The following MUL1 variants were observed in gnomAD, a reference collection of about 807,000 sequenced individuals.
The protein encoded by MUL1 is mitochondrial ubiquitin ligase activator of NFKB 1.
Under a neutral mutation model 34.1 loss-of-function variants are expected in MUL1, and 30 were observed. The observed-to-expected ratio is 0.88, with a 90% CI of 0.66 to 1.19. The LOEUF (loss-of-function observed/expected upper bound fraction) is 1.19, where lower values mean the gene tolerates loss of function less well. Ranked by LOEUF, MUL1 falls within the 50% of genes most tolerant of loss-of-function variation. The pLI is 0.00. For missense variants in MUL1, 419 were observed against 450.5 expected (o/e 0.93, Z 0.63); for synonymous variants, 191 against 187.8 (o/e 1.02, Z -0.14).
At position 20,508,047 on chromosome 1, in the gene MUL1, C is replaced by A; in HGVS notation, c.-23G>T. 6.4e-7 allele frequency: 1 copy of A among 1,573,762 alleles called. No homozygotes were observed. Among genetic ancestry groups the A allele is most frequent in the East Asian group, 2.3e-5 (1 of 43,598 alleles). ...CATGACGGCGGCGAGCCCCGGTGGC[C>A]GACTGTGGCGCCAAGGATAGGCCTG... is the stretch of plus-strand genomic sequence containing the variant. On this transcript the variant is annotated 5_prime_UTR_variant, in exon 1 of 4. Coordinates refer to ENST00000264198, the MANE Select transcript of MUL1 (RefSeq NM_024544.3).
chr1:20,502,268 G>T (rs2051669898), intron 2 of MUL1, 79 bp from the exon 3 acceptor site: 1 of 1,582,230 alleles, frequency 6.3e-7, no homozygotes, highest in Non-Finnish European at 8.6e-7. Context: ...GTGTTTTCTG[G>T]TCTGGCACAG....
rs1437200712 is a variant in MUL1 at position 20,502,198 on chromosome 1, A to G, written c.209-9T>C. Reference sequence around the variant, plus strand: ...AACAGACCGCACAGCTCCTAAGTGGACACAAATTCTATTATTTCTGAAGAA... The same window carrying G: ...AACAGACCGCACAGCTCCTAAGTGGGCACAAATTCTATTATTTCTGAAGAA... On this transcript the variant is annotated splice_polypyrimidine_tract_variant and intron_variant, in intron 2 of 3. Transcript: ENST00000264198. 5 of 1,613,398 alleles carry G rather than the reference A, an allele frequency of 3.1e-6. No homozygotes were observed. In the East Asian group the frequency reaches 8.9e-5, roughly 29 times the overall value.
intron 1 of MUL1, 120 bp downstream of exon 1, chr1:20,507,785 C>A: frequency 7.1e-7 from 1 of 1,410,212 alleles, no homozygotes; most frequent in Non-Finnish European, 9.5e-7. Context: ...TGACACCCTT[C>A]AGAGGCTGTT....
chr1:20,507,555 C>T (rs1216042173), intron 1 of MUL1, among the ~76,000 whole-genome samples: 4 of 152,248 alleles, frequency 2.6e-5, no homozygotes, highest in African/African-American at 9.6e-5. Context: ...TACATGTTTG[C>T]TGTCTAGTCG....
rs2051648079 is a variant in MUL1, at chr1:20,500,755, C to A, written c.994G>T (p.Glu332Ter). The A allele has an allele frequency of 6.2e-7, 1 of 1,612,568 alleles. No homozygotes were observed. The change falls in exon 4 of 4, where the codon GAG becomes TAG. Residue 332 changes from glutamate (E) to a stop codon, truncating the protein, a stop_gained. Transcript: ENST00000264198. LOFTEE classifies it high-confidence loss of function. ...CTGCAGATAGGGCACTTCTTGGGCTCTGGCAAGGCGCGGTAGCACTCGGTG... is the reference window on the plus strand; with the variant it reads ...CTGCAGATAGGGCACTTCTTGGGCTATGGCAAGGCGCGGTAGCACTCGGTG... ...SCTECYRALP[E>*]PKKCPICRQA...
In MUL1 at chr1:20,501,132, T is replaced by C. The variant is rs1213925227; in HGVS notation, c.617A>G (p.Asn206Ser). Residue 206 changes from asparagine (N) to serine (S), a missense_variant, in exon 4 of 4, where the codon AAC (asparagine) becomes AGC (serine). Transcript: ENST00000264198. The surrounding 1 kb of genome is among the most constrained non-coding windows in gnomAD (Gnocchi z 4.2). The part of the protein sequence containing the change: ...TGVGELVLDN[N>S]SVRLQPPKQG... ...TTTGGGCGGCTGCAGGCGGACAGAG[T>C]TGTTGTCCAGGACCAGTTCGCCAAC... 6 of 1,613,804 alleles carry C rather than the reference T, an allele frequency of 3.7e-6. No individual in the cohort carries two copies. The highest frequency in any genetic ancestry group is 1.3e-5 in the African/African-American group (1 of 74,862).
At chr1:20,504,639 AT>A (rs1266663582) in intron 1 of MUL1, among the ~76,000 whole-genome samples, 1 of 152,168 alleles carries the variant, frequency 6.6e-6, no homozygotes, top group Non-Finnish European at 1.5e-5. Flanking sequence ...CAATTTACTC[AT>A]TATCTGTCTC....
Position 20,501,529 on chromosome 1 carries a change from G to A in MUL1, c.330-110C>T. 1 of 1,264,540 alleles carries A rather than the reference G, an allele frequency of 7.9e-7. No homozygotes were observed. Among genetic ancestry groups the A allele is most frequent in the Non-Finnish European group, 1.1e-6 (1 of 922,190 alleles). The allele number at this position is 1,264,540 out of a possible 1,614,324, so 78.3% of individuals were successfully genotyped here. On this transcript the variant is annotated intron_variant, in intron 3 of 3. Coordinates refer to ENST00000264198, the MANE Select transcript of MUL1 (RefSeq NM_024544.3). This position sits in a 1 kb window ranked among gnomAD's most constrained non-coding sequence, Gnocchi z 4.2. ...AGCATATGGTCTGAAGTAACTGGAA[G>A]AAGACAGTAAGATCACTATCTCCAG...
intron 1 of MUL1, 84 bp from the exon 2 acceptor site, chr1:20,503,393 A>ATCTTT: frequency 1.3e-6 from 1 of 797,034 alleles, no homozygotes; most frequent in Non-Finnish European, 2.0e-6. Context: ...AAAGAAAAAG[A>ATCTTT]TTCTATTTTT....
rs1250442932 is a variant in MUL1 at position 20,499,895 on chromosome 1, C to A, written c.*795G>T. On this transcript the variant is annotated 3_prime_UTR_variant, in exon 4 of 4. Transcript: ENST00000264198. Reference sequence around the variant, plus strand: ...CACTGCGTCCTTCAGGAGGCGAGGCCTCTGCGCCTCATTCTCCAGGAGGGA... The same window carrying A: ...CACTGCGTCCTTCAGGAGGCGAGGCATCTGCGCCTCATTCTCCAGGAGGGA... 5.3e-5 allele frequency: 8 copies of A among 152,276 alleles called. No homozygotes were observed. Among genetic ancestry groups the A allele is most frequent in the Non-Finnish European group, 1.2e-4 (8 of 68,094 alleles). The allele number at this position is 152,276 out of a possible 1,614,324, so 9.4% of individuals were successfully genotyped here.
chr1:20,506,792 G>C (rs2051718536), intron 1 of MUL1, among the ~76,000 whole-genome samples: 1 of 151,490 alleles, frequency 6.6e-6, no homozygotes, highest in Non-Finnish European at 1.5e-5. Flanking sequence ...AGAGGTTGCA[G>C]TGAGCCAAGA....
intron 1 of MUL1, among the ~76,000 whole-genome samples, chr1:20,506,757 G>C (rs1276097000): frequency 3.9e-5 from 6 of 152,000 alleles, no homozygotes; most frequent in African/African-American, 1.5e-4. Context: ...GGCTGAGGCA[G>C]GAAAATCACT....
chr1:20,505,065 G>T (rs934974272), intron 1 of MUL1, among the ~76,000 whole-genome samples: 1 of 152,138 alleles, frequency 6.6e-6, no homozygotes, highest in African/African-American at 2.4e-5. Flanking sequence ...CTGTGACTTG[G>T]GACAACTTCA....
chr1:20,502,099 T>C lies in MUL1; in HGVS notation c.299A>G (p.Lys100Arg), dbSNP rs539520475. 6 of 1,614,064 alleles carry C rather than the reference T, an allele frequency of 3.7e-6. No individual in the cohort carries two copies. The highest frequency in any genetic ancestry group is 3.3e-5 in the South Asian group (3 of 91,066). The change falls in exon 3 of 4, where the codon AAG (lysine) becomes AGG (arginine). Residue 100 changes from lysine (K) to arginine (R), a missense_variant. By Grantham distance (26) the Lys-to-Arg change is conservative. Transcript: ENST00000264198. ...VIQRLTLQEHKMVWNRTTHLW... is the reference protein window; with the variant it reads ...VIQRLTLQEHRMVWNRTTHLW... ...GTGGGTGGTTCGATTCCACACCATCTTGTGCTCCTGAAGTGTCAGCCGCTG... is the reference window on the plus strand; with the variant it reads ...GTGGGTGGTTCGATTCCACACCATCCTGTGCTCCTGAAGTGTCAGCCGCTG...
At chr1:20,502,598 A>G (rs1430557817) in intron 2 of MUL1, among the ~76,000 whole-genome samples, 6 of 152,056 alleles carry the variant, frequency 3.9e-5, no homozygotes, top group African/African-American at 7.2e-5. Context: ...CAGTGGTGCA[A>G]TCTTGGCTCA....
At chr1:20,506,181 T>G (rs12566937) in intron 1 of MUL1, among the ~76,000 whole-genome samples, 25,160 of 152,132 alleles carry the variant, frequency 0.17, 2,124 homozygotes, top group South Asian at 0.19. Flanking sequence ...ATCTGATAAT[T>G]AAGTTAGTCA....
In MUL1 at chr1:20,500,825, G is replaced by C; in HGVS notation, c.924C>G (p.Ser308Arg). ...LKSACVVCLSSFKSCVFLECG... is the reference protein window; with the variant it reads ...LKSACVVCLSRFKSCVFLECG... ...ACTCCAGAAAGACGCAGGACTTGAA[G>C]CTGCTCAGACACACTACACAGGCGC... is the stretch of plus-strand genomic sequence containing the variant. Residue 308 changes from serine to arginine, a missense_variant, in exon 4 of 4, where the codon AGC becomes AGG. Coordinates refer to ENST00000264198, the MANE Select transcript of MUL1 (RefSeq NM_024544.3). The C allele has an allele frequency of 6.2e-7, 1 of 1,614,230 alleles. No individual in the cohort carries two copies. The highest frequency in any genetic ancestry group is 8.5e-7 in the Non-Finnish European group (1 of 1,180,050).
chr1:20,507,413 T>C (rs2051726412), intron 1 of MUL1, among the ~76,000 whole-genome samples: 1 of 152,134 alleles, frequency 6.6e-6, no homozygotes, highest in African/African-American at 2.4e-5. Context: ...ATGACTCCCC[T>C]CATCTCCTCC....
chr1:20,500,601 C>T lies in MUL1; in HGVS notation c.*89G>A. The T allele has an allele frequency of 6.7e-7, 1 of 1,481,718 alleles. No individual in the cohort carries two copies. Among genetic ancestry groups the T allele is most frequent in the Non-Finnish European group, 9.0e-7 (1 of 1,109,076 alleles). 91.8% of individuals were successfully genotyped at this position (1,481,718 alleles called of 1,614,324 possible). A position where few individuals can be genotyped will look rare whatever the true frequency, so the allele number is the denominator to read the frequency against. ...CATACCTGGAGGTGACAGCTACCCCCACCACTGCTCCTCCAAAGGCCTCGA... is the reference window on the plus strand; with the variant it reads ...CATACCTGGAGGTGACAGCTACCCCTACCACTGCTCCTCCAAAGGCCTCGA... On this transcript the variant is annotated 3_prime_UTR_variant, in exon 4 of 4. Coordinates refer to ENST00000264198, the MANE Select transcript of MUL1 (RefSeq NM_024544.3).
Sources: allele counts gnomAD v4.1 joint callset (sites outside exome capture counted in the v4.1 genomes callset), GRCh38; gene constraint gnomAD v4.1.1; non-coding constraint Gnocchi (gnomAD v3.1); transcripts MANE v1.5; gene names NCBI Gene and HGNC (gene_info 2026-07-23, HGNC 2026-07-21).